The following KIRREL3 variants were observed in gnomAD, a reference collection of about 807,000 sequenced individuals.
KIRREL3 encodes kin of IRRE-like protein 3.
KIRREL3 carries 36 observed loss-of-function variants against 89.7 expected under a neutral mutation model. The observed-to-expected ratio is 0.40, with a 90% CI of 0.31 to 0.53. The LOEUF (loss-of-function observed/expected upper bound fraction) is 0.53, where lower values mean the gene tolerates loss of function less well. Among genes scored for constraint, KIRREL3 ranks in the 20% least tolerant of loss-of-function variants. The pLI is 0.49. For missense variants in KIRREL3, 864 were observed against 1,056.6 expected (o/e 0.82, Z 2.53); for synonymous variants, 445 against 441.4 (o/e 1.01, Z -0.10).
At chr11:126,466,301 C>G (rs1477719297) in intron 5 of KIRREL3, among the ~76,000 whole-genome samples, 1 of 152,246 alleles carries the variant, frequency 6.6e-6, no homozygotes, top group Non-Finnish European at 1.5e-5. Context: ...GGGGAAGGCA[C>G]GTGCCCCAGC....
At position 126,807,259 on chromosome 11, in the gene KIRREL3, A is replaced by T. The variant is rs1346357636; in HGVS notation, c.55+193196T>A. The stretch of plus-strand genomic sequence containing the variant: ...AAAATCCTATACTTCTAACAAAGAA[A>T]TGTCATCTGAAATTTTACAATGGAG... On this transcript the variant is annotated intron_variant, in intron 1 of 16. Coordinates refer to ENST00000525144, the MANE Select transcript of KIRREL3 (RefSeq NM_032531.4). This position sits in a 1 kb window ranked among gnomAD's most constrained non-coding sequence, Gnocchi z 4.3. Among the ~76,000 whole-genome samples, 1 of 152,200 alleles carries T rather than the reference A, an allele frequency of 6.6e-6. No homozygotes were observed. The highest frequency in any genetic ancestry group is 6.5e-5 in the Admixed American group (1 of 15,280).
At chr11:126,456,198 G>A in intron 7 of KIRREL3, 151 bp downstream of exon 7, 1 of 611,380 alleles carries the variant, frequency 1.6e-6, no homozygotes, top group Admixed American at 2.6e-5. Context: ...AGGCAGGCGG[G>A]TTTAAGAGGA....
chr11:126,663,550 A>G (rs1163980348), intron 1 of KIRREL3, among the ~76,000 whole-genome samples: 1 of 152,168 alleles, frequency 6.6e-6, no homozygotes, highest in Non-Finnish European at 1.5e-5. Context: ...TCTACTACAC[A>G]GGGAGAGGGA....
chr11:126,980,317 CAG>C, intron 1 of KIRREL3, among the ~76,000 whole-genome samples: 1 of 152,242 alleles, frequency 6.6e-6, no homozygotes, highest in Admixed American at 6.5e-5. Context: ...TGGTGCCAGA[CAG>C]AATGAATTGA....
At chr11:126,494,077 G>C (rs1238061268) in intron 4 of KIRREL3, among the ~76,000 whole-genome samples, 2 of 152,196 alleles carry the variant, frequency 1.3e-5, no homozygotes, top group Non-Finnish European at 2.9e-5. Flanking sequence ...CCACGATGAG[G>C]AAAATATCAC....
At chr11:126,675,026 T>A (rs969981060) in intron 1 of KIRREL3, among the ~76,000 whole-genome samples, 1 of 152,226 alleles carries the variant, frequency 6.6e-6, no homozygotes, top group African/African-American at 2.4e-5. Flanking sequence ...CTGGGCCACA[T>A]CCCAGTTCAG....
chr11:126,458,970 C>T (rs1231764452), intron 6 of KIRREL3, among the ~76,000 whole-genome samples: 2 of 152,150 alleles, frequency 1.3e-5, no homozygotes, highest in Non-Finnish European at 2.9e-5. Context: ...TCTGGGCGTC[C>T]GTGGGACCCT....
chr11:126,599,312 G>A (rs1942539727), intron 1 of KIRREL3, among the ~76,000 whole-genome samples: 1 of 152,150 alleles, frequency 6.6e-6, no homozygotes, highest in South Asian at 2.1e-4. Flanking sequence ...CATTGTCCCT[G>A]CTCGGTGTCT....
intron 1 of KIRREL3, among the ~76,000 whole-genome samples, chr11:126,580,069 T>C (rs1018437622): frequency 3.3e-5 from 5 of 152,050 alleles, no homozygotes; most frequent in Admixed American, 1.3e-4. Flanking sequence ...ATGGTCTCGA[T>C]CTCCTGACCT....
chr11:126,934,134 T>C (rs1948075906), intron 1 of KIRREL3, among the ~76,000 whole-genome samples: 1 of 152,150 alleles, frequency 6.6e-6, no homozygotes, highest in South Asian at 2.1e-4. Flanking sequence ...TATAGATCAA[T>C]GAAGCAGAAT....
At position 126,865,149 on chromosome 11, in the gene KIRREL3, A is replaced by G. The variant is rs368638981; in HGVS notation, c.55+135306T>C. Among the ~76,000 whole-genome samples, 6 of 152,344 alleles carry G rather than the reference A, an allele frequency of 3.9e-5. No homozygotes were observed. In the East Asian group the frequency reaches 9.7e-4, roughly 25 times the overall value. ...TCTTTCTCTTCTGCCCCTGGGCCACATTGCTAAATATATCCCTGTATGAAC... is the reference window on the plus strand; with the variant it reads ...TCTTTCTCTTCTGCCCCTGGGCCACGTTGCTAAATATATCCCTGTATGAAC... On this transcript the variant is annotated intron_variant, in intron 1 of 16. Transcript: ENST00000525144.
Position 126,946,517 on chromosome 11 carries a change from G to A in KIRREL3, c.55+53938C>T, listed in dbSNP as rs1315247844. ...ACAGACTAGACTAGATGTTAAGTAAGGTGACTTTCCACTCTAAAACTCTAT... is the reference window on the plus strand; with the variant it reads ...ACAGACTAGACTAGATGTTAAGTAAAGTGACTTTCCACTCTAAAACTCTAT... On this transcript the variant is annotated intron_variant, in intron 1 of 16. Transcript: ENST00000525144. This position sits in a 1 kb window ranked among gnomAD's most constrained non-coding sequence, Gnocchi z 4.1. Among the ~76,000 whole-genome samples, 1 of 152,150 alleles carries A rather than the reference G, an allele frequency of 6.6e-6. No individual in the cohort carries two copies. Among genetic ancestry groups the A allele is most frequent in the Admixed American group, 6.5e-5 (1 of 15,278 alleles).
intron 1 of KIRREL3, among the ~76,000 whole-genome samples, chr11:126,966,340 G>A (rs763469260): frequency 7.2e-5 from 11 of 152,144 alleles, no homozygotes; most frequent in Admixed American, 1.3e-4. Flanking sequence ...AATTTTTGCC[G>A]ATTGTCAGAG....
chr11:126,794,827 C>A (rs1028468661), intron 1 of KIRREL3, among the ~76,000 whole-genome samples: 1 of 152,108 alleles, frequency 6.6e-6, no homozygotes, highest in African/African-American at 2.4e-5. Context: ...TTAATAATTG[C>A]CAAAAATGAA....
Position 126,710,422 on chromosome 11 carries a change from G to T in KIRREL3, c.56-147510C>A, listed in dbSNP as rs1442950368. On this transcript the variant is annotated intron_variant, in intron 1 of 16. Coordinates refer to ENST00000525144, the MANE Select transcript of KIRREL3 (RefSeq NM_032531.4). This position sits in a 1 kb window ranked among gnomAD's most constrained non-coding sequence, Gnocchi z 4.2. ...TCTGGAAGTACCTGAGTGGGAAGTA[G>T]CTTTAGCTTCCCACGACTGTTCAAT... 4.6e-5 allele frequency among the ~76,000 whole-genome samples: 7 copies of T among 152,180 alleles called. No homozygotes were observed. The highest frequency in any genetic ancestry group is 1.0e-4 in the Non-Finnish European group (7 of 68,032).
At chr11:126,799,149 T>C (rs2134384526) in intron 1 of KIRREL3, among the ~76,000 whole-genome samples, 1 of 131,754 alleles carries the variant, frequency 7.6e-6, no homozygotes, top group Admixed American at 7.8e-5. Flanking sequence ...TGTGTGTGCA[T>C]GTGCGTATCT....
rs56150011 is a variant in KIRREL3 at position 126,924,974 on chromosome 11, G to GAAAAAA, written c.55+75475_55+75480dup. ...CAGTGGAGGAGGTTGGGATAAAATTGAAAAAAAAAAAAAACAGTCCTAGGA... is the reference window on the plus strand; with the variant it reads ...CAGTGGAGGAGGTTGGGATAAAATTGAAAAAAAAAAAAAAAAAAAACAGTCCTAGGA... On this transcript the variant is annotated intron_variant, in intron 1 of 16. Coordinates refer to ENST00000525144, the MANE Select transcript of KIRREL3 (RefSeq NM_032531.4). The surrounding 1 kb of genome is among the most constrained non-coding windows in gnomAD (Gnocchi z 4.7). Among the ~76,000 whole-genome samples the GAAAAAA allele has an allele frequency of 7.0e-6, 1 of 143,102 alleles. No homozygotes were observed. 93.9% of individuals were successfully genotyped at this position (143,102 alleles called of 152,430 possible). A position where few individuals can be genotyped will look rare whatever the true frequency, so the allele number is the denominator to read the frequency against.
intron 1 of KIRREL3, among the ~76,000 whole-genome samples, chr11:126,732,461 C>G (rs2134198283): frequency 6.6e-6 from 1 of 152,242 alleles, no homozygotes; most frequent in South Asian, 2.1e-4. Flanking sequence ...GTGATCAAAA[C>G]CCTAGCGCTC....
chr11:126,721,521 C>T (rs1486499868), intron 1 of KIRREL3, among the ~76,000 whole-genome samples: 1 of 99,456 alleles, frequency 1.0e-5, no homozygotes, highest in African/African-American at 3.9e-5. Flanking sequence ...AAGAGTAAAA[C>T]TCCGTCTCAA....
Sources: allele counts gnomAD v4.1 joint callset (sites outside exome capture counted in the v4.1 genomes callset), GRCh38; gene constraint gnomAD v4.1.1; non-coding constraint Gnocchi (gnomAD v3.1); transcripts MANE v1.5; gene names NCBI Gene and HGNC (gene_info 2026-07-23, HGNC 2026-07-21).